CACHD1: variants seen among roughly 807,000 people sequenced by gnomAD.
CACHD1 encodes cache domain containing 1.
A neutral mutation model predicts 138.7 loss-of-function variants in CACHD1; 71 were observed. The observed-to-expected ratio is 0.51, with a 90% confidence interval of 0.42 to 0.62. The LOEUF (loss-of-function observed/expected upper bound fraction) is 0.62. Ranked by LOEUF, CACHD1 falls within the 20% of genes least tolerant of loss-of-function variation. The probability of loss-of-function intolerance (pLI) is 0.00; values close to 1 mark genes in which losing one functional copy is unlikely to be tolerated. For synonymous variants in CACHD1, 578 were observed against 591.5 expected (o/e 0.98, Z 0.33); for missense variants, 1,389 against 1,625.3 (o/e 0.85, Z 2.50).
At chr1:64,599,249 A>G (rs1647190916) in intron 3 of CACHD1, among the ~76,000 whole-genome samples, 1 of 152,208 alleles carries the variant, frequency 6.6e-6, no homozygotes, top group African/African-American at 2.4e-5. Flanking sequence ...TTGTTGGTAT[A>G]AGCAGAATCT....
intron 13 of CACHD1, among the ~76,000 whole-genome samples, chr1:64,663,173 C>A (rs1383990831): frequency 6.6e-6 from 1 of 152,054 alleles, no homozygotes; most frequent in Admixed American, 6.5e-5. Context: ...TTTCTACTCC[C>A]AGCACTTGTG....
At chr1:64,656,971 A>G (rs1319661581) in intron 12 of CACHD1, among the ~76,000 whole-genome samples, 1 of 152,232 alleles carries the variant, frequency 6.6e-6, no homozygotes, top group East Asian at 1.9e-4. Flanking sequence ...TAAACTGCTT[A>G]GCACTCATAG....
At chr1:64,649,767 G>A (rs1649028548) in intron 9 of CACHD1, among the ~76,000 whole-genome samples, 1 of 152,156 alleles carries the variant, frequency 6.6e-6, no homozygotes, top group Admixed American at 6.5e-5. Flanking sequence ...ATCACATGTA[G>A]AACTTTGGCC....
rs1212344499 is a variant in CACHD1, at chr1:64,654,689, C to T, written c.1668C>T (p.Leu556=). The T allele has an allele frequency of 2.9e-5, 47 of 1,608,778 alleles. 1 individual carries two copies. In the Admixed American group the frequency reaches 7.7e-4, roughly 26 times the overall value. Residue 556 remains leucine (L), a synonymous_variant, in exon 12 of 27, where the codon CTC becomes CTT. Coordinates refer to ENST00000651257, the MANE Select transcript of CACHD1 (RefSeq NM_020925.4). ...FELVRQNILS[L]PLGSQIIAVP... ...TTAATTCTGTTTGCCAACACAGCCT[C>T]CCTCTGGGCAGCCAGATTATCGCAG...
At chr1:64,622,106 G>A (rs1214304589) in intron 4 of CACHD1, among the ~76,000 whole-genome samples, 1 of 152,072 alleles carries the variant, frequency 6.6e-6, no homozygotes, top group East Asian at 1.9e-4. Flanking sequence ...TTTCCAAGTG[G>A]CTTCCTTATA....
chr1:64,492,221 T>A (rs931846355), intron 1 of CACHD1, among the ~76,000 whole-genome samples: 55 of 150,242 alleles, frequency 3.7e-4, no homozygotes, highest in African/African-American at 1.2e-3. Context: ...GAAGAAATTA[T>A]TCTATACCTG....
chr1:64,605,206 C>A (rs1391913446), intron 4 of CACHD1, among the ~76,000 whole-genome samples: 1 of 152,054 alleles, frequency 6.6e-6, no homozygotes, highest in African/African-American at 2.4e-5. Flanking sequence ...CTCAGGTGGT[C>A]CACCTGCCTC....
intron 3 of CACHD1, among the ~76,000 whole-genome samples, chr1:64,598,183 C>T (rs1445514013): frequency 6.6e-6 from 1 of 152,140 alleles, no homozygotes; most frequent in African/African-American, 2.4e-5. Context: ...CTTTTGCTTC[C>T]AGTAGTTACT....
At chr1:64,678,556 G>A (rs1650070246) in intron 23 of CACHD1, among the ~76,000 whole-genome samples, 1 of 152,120 alleles carries the variant, frequency 6.6e-6, no homozygotes, top group South Asian at 2.1e-4. Flanking sequence ...AGCTTGTTCT[G>A]ATAAATATAA....
chr1:64,505,682 C>A (rs1489194047), intron 1 of CACHD1, among the ~76,000 whole-genome samples: 2 of 143,786 alleles, frequency 1.4e-5, no homozygotes, highest in Non-Finnish European at 3.1e-5. Context: ...TGGGCGCACC[C>A]CATCCACGCC....
chr1:64,470,868 C>A lies in CACHD1; in HGVS notation c.124C>A (p.Leu42Met), dbSNP rs745898161. The change falls in exon 1 of 27, where the codon CTG becomes ATG. Residue 42 changes from leucine to methionine, a missense_variant. Physicochemically the swap from Leu to Met is conservative, Grantham distance 15. This residue lies in a region of CACHD1 where 1,000 missense variants were observed against 1,114.7 expected (regional missense o/e 0.90). Transcript: ENST00000651257. This position sits in a 1 kb window ranked among gnomAD's most constrained non-coding sequence, Gnocchi z 5.2. ...CGGGGCCGAAGCCGACTTCTCCATC[C>A]TGGACGAGGCGCAAGTGCTGGCGAG... ...GAGAEADFSI[L>M]DEAQVLASQM... 1 of 1,604,344 alleles carries A rather than the reference C, an allele frequency of 6.2e-7. No individual in the cohort carries two copies. The highest frequency in any genetic ancestry group is 8.5e-7 in the Non-Finnish European group (1 of 1,177,970).
chr1:64,637,127 A>G (rs1033616991), intron 7 of CACHD1, among the ~76,000 whole-genome samples: 6 of 152,198 alleles, frequency 3.9e-5, no homozygotes, highest in South Asian at 2.1e-4. Context: ...ATTCCTCACT[A>G]GAAGTGTTCT....
intron 11 of CACHD1, 49 bp from the exon 12 acceptor site, chr1:64,654,637 C>T (rs747420423): frequency 7.1e-7 from 1 of 1,415,834 alleles, no homozygotes; most frequent in Non-Finnish European, 1.0e-6. Flanking sequence ...TAATTAAGTG[C>T]TTAATTTTAT....
At chr1:64,653,960 C>T (rs1649185921) in intron 11 of CACHD1, 79 bp downstream of exon 11, 2 of 1,239,262 alleles carry the variant, frequency 1.6e-6, no homozygotes, top group Admixed American at 2.1e-5. Flanking sequence ...GTATTTACTA[C>T]AGAGTATAAA....
At chr1:64,486,762 G>C (rs187770141) in intron 1 of CACHD1, among the ~76,000 whole-genome samples, 1 of 152,296 alleles carries the variant, frequency 6.6e-6, no homozygotes, top group Admixed American at 6.5e-5. Context: ...TGGGAGCTGG[G>C]AGCACACTGA....
At chr1:64,633,137 A>G (rs1180507906) in intron 6 of CACHD1, among the ~76,000 whole-genome samples, 1 of 152,248 alleles carries the variant, frequency 6.6e-6, no homozygotes, top group African/African-American at 2.4e-5. Context: ...ACCATGAGAA[A>G]GTATCAGGAG....
Position 64,622,674 on chromosome 1 carries a change from A to C in CACHD1, c.518-6681A>C, listed in dbSNP as rs556190767. On this transcript the variant is annotated intron_variant, in intron 4 of 26. Transcript: ENST00000651257. The stretch of plus-strand genomic sequence containing the variant: ...ACTATATGTAGTGTTAAAGGCAAGC[A>C]CACCTAAATCAATCAAATCATGCTG... Among the ~76,000 whole-genome samples the C allele has an allele frequency of 7.2e-5, 11 of 152,308 alleles. No individual in the cohort carries two copies. The East Asian group carries it at 2.1e-3, about 29-fold the overall frequency.
intron 4 of CACHD1, among the ~76,000 whole-genome samples, chr1:64,622,786 A>G (rs1161706635): frequency 6.6e-6 from 1 of 152,242 alleles, no homozygotes; most frequent in Non-Finnish European, 1.5e-5. Context: ...GAAAAGTAGT[A>G]CACCATATGT....
intron 26 of CACHD1, among the ~76,000 whole-genome samples, chr1:64,685,072 G>A (rs1171518816): frequency 6.6e-6 from 1 of 152,172 alleles, no homozygotes; most frequent in Non-Finnish European, 1.5e-5. Flanking sequence ...GCCTCGCAAT[G>A]TGTTGAGATT....
Sources: allele counts gnomAD v4.1 joint callset (sites outside exome capture counted in the v4.1 genomes callset), GRCh38; gene constraint gnomAD v4.1.1; regional missense constraint gnomAD v4.1.1; non-coding constraint Gnocchi (gnomAD v3.1); transcripts MANE v1.5; gene names NCBI Gene and HGNC (gene_info 2026-07-23, HGNC 2026-07-21).